Variants in ZNF385D observed in about 807,000 individuals in gnomAD.
ZNF385D encodes the protein zinc finger protein 659.
ZNF385D carries 15 observed loss-of-function variants against 35.8 expected under a neutral mutation model. The ratio of observed to expected loss-of-function variants is 0.42; its 90% CI spans 0.28 to 0.64. The LOEUF (loss-of-function observed/expected upper bound fraction) is 0.64, where lower values mean the gene tolerates loss of function less well. ZNF385D is among the 30% of genes least tolerant of loss of function. The pLI, the probability that ZNF385D is intolerant of heterozygous loss-of-function variation, is 0.23. For synonymous variants in ZNF385D, 212 were observed against 186.8 expected (o/e 1.13, Z -1.10); for missense variants, 474 against 494.6 (o/e 0.96, Z 0.39).
At chr3:21,970,138 A>G (rs1473539584) in intron 3 of ZNF385D, among the ~76,000 whole-genome samples, 1 of 152,192 alleles carries the variant, frequency 6.6e-6, no homozygotes, top group African/African-American at 2.4e-5. Flanking sequence ...GTAAGAATAA[A>G]TATATAATTC....
chr3:22,232,778 T>A (rs1217795456), intron 2 of ZNF385D, among the ~76,000 whole-genome samples: 1 of 152,134 alleles, frequency 6.6e-6, no homozygotes, highest in Non-Finnish European at 1.5e-5. Flanking sequence ...TTTACCCAGT[T>A]TGTCATTATT....
At chr3:21,555,309 T>C (rs2125611879) in intron 3 of ZNF385D, among the ~76,000 whole-genome samples, 1 of 152,154 alleles carries the variant, frequency 6.6e-6, no homozygotes, top group South Asian at 2.1e-4. Context: ...GGTGGTTTGC[T>C]GCACCCATCA....
intron 3 of ZNF385D, among the ~76,000 whole-genome samples, chr3:21,819,463 G>C (rs1052805869): frequency 3.3e-5 from 5 of 150,778 alleles, no homozygotes; most frequent in East Asian, 1.9e-4. Flanking sequence ...AAAAAATCTA[G>C]GGCTGTTAAT....
chr3:21,819,696 GTA>G (rs905797601), intron 3 of ZNF385D, among the ~76,000 whole-genome samples: 6 of 142,736 alleles, frequency 4.2e-5, no homozygotes, highest in South Asian at 2.2e-4. Flanking sequence ...GTGTACGTGT[GTA>G]TATATATACA....
At chr3:22,234,588 G>C (rs1006076298) in intron 2 of ZNF385D, among the ~76,000 whole-genome samples, 11 of 151,770 alleles carry the variant, frequency 7.2e-5, no homozygotes, top group African/African-American at 1.4e-4. Flanking sequence ...TCAATGTCTT[G>C]ACACAGCAGG....
At chr3:22,089,499 G>C (rs1456158690) in intron 3 of ZNF385D, among the ~76,000 whole-genome samples, 1 of 152,148 alleles carries the variant, frequency 6.6e-6, no homozygotes, top group East Asian at 1.9e-4. Flanking sequence ...GCAACACCTG[G>C]CTCCAGCAGT....
chr3:22,026,796 G>C (rs775595688), intron 3 of ZNF385D, among the ~76,000 whole-genome samples: 1 of 152,172 alleles, frequency 6.6e-6, no homozygotes, highest in Non-Finnish European at 1.5e-5. Flanking sequence ...GAGAACATTA[G>C]TGCCACCATC....
intron 3 of ZNF385D, among the ~76,000 whole-genome samples, chr3:21,530,259 AT>A (rs2061891852): frequency 6.6e-6 from 1 of 152,158 alleles, no homozygotes; most frequent in Admixed American, 6.5e-5. Flanking sequence ...TTCTTTATAA[AT>A]TATCCAGCCT....
intron 3 of ZNF385D, among the ~76,000 whole-genome samples, chr3:22,033,408 T>TAATAATAAC (rs1272239088): frequency 3.0e-4 from 37 of 124,542 alleles, no homozygotes; most frequent in African/African-American, 1.0e-3. Context: ...TCCAAAATAA[T>TAATAATAAC]AATAATAATA....
chr3:22,250,439 T>C (rs1441198004), intron 2 of ZNF385D, among the ~76,000 whole-genome samples: 2 of 151,998 alleles, frequency 1.3e-5, no homozygotes, highest in Non-Finnish European at 2.9e-5. Flanking sequence ...AAAATGCCAT[T>C]TATTTAGGTT....
intron 2 of ZNF385D, among the ~76,000 whole-genome samples, chr3:22,233,822 A>G (rs75113399): frequency 3.7e-4 from 56 of 152,170 alleles, no homozygotes; most frequent in South Asian, 1.2e-3. Flanking sequence ...TTACTCCTGT[A>G]CTCATATTCT....
chr3:21,501,474 A>T (rs1008424935), intron 4 of ZNF385D, among the ~76,000 whole-genome samples: 32 of 152,198 alleles, frequency 2.1e-4, no homozygotes, highest in African/African-American at 7.7e-4. Flanking sequence ...TTTACAACGA[A>T]CTCAGTAGAA....
chr3:21,514,504 G>A (rs1001948387), intron 3 of ZNF385D, among the ~76,000 whole-genome samples: 2 of 152,042 alleles, frequency 1.3e-5, no homozygotes, highest in Non-Finnish European at 2.9e-5. Context: ...AAACTGTAAC[G>A]TAACTTGATG....
rs4455340 is a variant in ZNF385D, at chr3:21,421,388, A to G, written c.1014T>C (p.Asn338=). Residue 338 remains asparagine (N), a synonymous_variant, in exon 8 of 8, where the codon AAT becomes AAC. Coordinates refer to ENST00000281523, the MANE Select transcript of ZNF385D (RefSeq NM_024697.3). The part of the protein sequence containing the change: ...SKPLAPRILP[N]PLAAAAAAAA... The stretch of plus-strand genomic sequence containing the variant: ...CTGCGGCTGCTGCAGCTGCTAGAGG[A>G]TTTGGTAGAATTCGTGGAGCCAATG... 0.29 allele frequency: 467,497 copies of G among 1,612,812 alleles called. 69,995 individuals carry two copies. Among genetic ancestry groups the G allele is most frequent in the East Asian group, 0.37 (16,469 of 44,812 alleles).
At chr3:21,594,607 A>G (rs2125743004) in intron 2 of ZNF385D, among the ~76,000 whole-genome samples, 1 of 152,262 alleles carries the variant, frequency 6.6e-6, no homozygotes, top group East Asian at 1.9e-4. Flanking sequence ...GTGTCAACTA[A>G]AGGCCCTTTA....
rs548577419 is a variant in ZNF385D at position 21,817,429 on chromosome 3, AC to A, written c.326-152402del. Among the ~76,000 whole-genome samples, 15 of 152,280 alleles carry A rather than the reference AC, an allele frequency of 9.9e-5. No homozygotes were observed. In the South Asian group the frequency reaches 3.1e-3, roughly 32 times the overall value. On this transcript the variant is annotated intron_variant, in intron 3 of 5. Transcript: ENST00000494108. The stretch of plus-strand genomic sequence containing the variant: ...GAATGGGAGAAAATTGTTGCAATCT[AC>A]CCATCTGACAAAGGGCTAATATCCA...
At chr3:22,196,316 T>C (rs924393896) in intron 2 of ZNF385D, among the ~76,000 whole-genome samples, 5 of 151,972 alleles carry the variant, frequency 3.3e-5, no homozygotes, top group African/African-American at 9.7e-5. Flanking sequence ...AGAATATTCT[T>C]TGTCATTCTT....
chr3:22,080,952 T>G (rs767744369), intron 3 of ZNF385D, among the ~76,000 whole-genome samples: 1 of 152,164 alleles, frequency 6.6e-6, no homozygotes, highest in Non-Finnish European at 1.5e-5. Flanking sequence ...TGCAGAACTG[T>G]GAGGAACACA....
At chr3:21,884,644 A>G (rs1015608640) in intron 3 of ZNF385D, among the ~76,000 whole-genome samples, 2 of 152,128 alleles carry the variant, frequency 1.3e-5, no homozygotes, top group African/African-American at 4.8e-5. Flanking sequence ...TTCTTATTTT[A>G]CTACATTTTA....
Sources: gnomAD v4.1 joint callset for allele counts (sites outside exome capture counted in the v4.1 genomes callset) on GRCh38, gnomAD v4.1.1 for gene constraint, MANE v1.5 for transcripts, NCBI Gene and HGNC (gene_info 2026-07-23, HGNC 2026-07-21) for gene names.